The following RAP1GDS1 variants were observed in gnomAD, a reference collection of about 807,000 sequenced individuals.
RAP1GDS1 encodes RAP1, GTP-GDP dissociation stimulator 1.
A neutral mutation model predicts 71.1 loss-of-function variants in RAP1GDS1; 35 were observed. The ratio of observed to expected loss-of-function variants is 0.49; its 90% CI spans 0.38 to 0.65. The LOEUF is 0.65. Among genes scored for constraint, RAP1GDS1 ranks in the 30% least tolerant of loss-of-function variants. The pLI is 0.00. For synonymous variants in RAP1GDS1, 229 were observed against 243.1 expected (o/e 0.94, Z 0.54); for missense variants, 663 against 706.1 (o/e 0.94, Z 0.69).
At position 98,392,681 on chromosome 4, in the gene RAP1GDS1, G is replaced by A. The variant is rs188591967; in HGVS notation, c.637+601G>A. Reference sequence around the variant, plus strand: ...ATGCCACTGCACTCCAGCCTGGGTGGCAGAGCCAGACCCTGTCTCAAGAAA... The same window carrying A: ...ATGCCACTGCACTCCAGCCTGGGTGACAGAGCCAGACCCTGTCTCAAGAAA... On this transcript the variant is annotated intron_variant, in intron 6 of 14. Coordinates refer to ENST00000408927, the MANE Select transcript of RAP1GDS1 (RefSeq NM_001100427.2). Among the ~76,000 whole-genome samples the A allele has an allele frequency of 5.0e-3, 756 of 152,046 alleles. 7 individuals are homozygous for A. Among genetic ancestry groups the A allele is most frequent in the South Asian group, 0.018 (87 of 4,820 alleles).
At chr4:98,416,285 T>C (rs951477394) in intron 7 of RAP1GDS1, among the ~76,000 whole-genome samples, 2 of 151,490 alleles carry the variant, frequency 1.3e-5, no homozygotes, top group Non-Finnish European at 2.9e-5. Flanking sequence ...TAGTTTACTT[T>C]GAAGATTTGA....
intron 1 of RAP1GDS1, among the ~76,000 whole-genome samples, chr4:98,291,966 GC>G (rs1727010873): frequency 6.6e-6 from 1 of 152,080 alleles, no homozygotes; most frequent in African/African-American, 2.4e-5. Context: ...ATCTGAAAAG[GC>G]TGTTAAAATA....
chr4:98,271,634 A>G (rs1369451820), intron 1 of RAP1GDS1, among the ~76,000 whole-genome samples: 1 of 151,962 alleles, frequency 6.6e-6, no homozygotes, highest in Non-Finnish European at 1.5e-5. Context: ...ATGTATATAT[A>G]ATTATGTTTT....
At position 98,442,088 on chromosome 4, in the gene RAP1GDS1, ACAGAG is replaced by A; in HGVS notation, c.1801_1805del (p.Gln601ThrfsTer18). ...AAGTGTTGCCCAGCAGGCCTCTCTC[ACAGAG>A]CAGAGACTTACTGTGGAAAGCTGAG... is the stretch of plus-strand genomic sequence containing the variant. On this transcript the variant is annotated frameshift_variant, in exon 15 of 15. Coordinates refer to ENST00000408927, the MANE Select transcript of RAP1GDS1 (RefSeq NM_001100427.2). LOFTEE classifies it high-confidence loss of function. 1 of 1,613,846 alleles carries A rather than the reference ACAGAG, an allele frequency of 6.2e-7. No individual in the cohort carries two copies. The highest frequency in any genetic ancestry group is 8.5e-7 in the Non-Finnish European group (1 of 1,179,986).
chr4:98,389,623 A>C (rs1285635788), intron 5 of RAP1GDS1, among the ~76,000 whole-genome samples: 4 of 152,180 alleles, frequency 2.6e-5, no homozygotes. Context: ...ACAATGTGCC[A>C]TTTGGCTATG....
At chr4:98,416,721 T>G (rs1313824672) in intron 7 of RAP1GDS1, 24 bp from the exon 8 acceptor site, 2 of 1,566,320 alleles carry the variant, frequency 1.3e-6, no homozygotes, top group Non-Finnish European at 8.8e-7. Context: ...AAAGTTTGAT[T>G]ATTTTGTTCA....
intron 5 of RAP1GDS1, among the ~76,000 whole-genome samples, chr4:98,385,681 A>G (rs1013143729): frequency 6.6e-6 from 1 of 151,904 alleles, no homozygotes; most frequent in Admixed American, 6.6e-5. Flanking sequence ...GAAAAACTAG[A>G]AAGTGAAATG....
intron 2 of RAP1GDS1, among the ~76,000 whole-genome samples, chr4:98,321,777 C>T (rs1446280414): frequency 1.5e-5 from 2 of 130,370 alleles, no homozygotes; most frequent in Non-Finnish European, 3.2e-5. Context: ...AAGCGCTAAA[C>T]ATGGAAAGGA....
chr4:98,271,594 T>C (rs1204874289), intron 1 of RAP1GDS1, among the ~76,000 whole-genome samples: 3 of 152,158 alleles, frequency 2.0e-5, no homozygotes, highest in Non-Finnish European at 4.4e-5. Context: ...GTTTTGAGTG[T>C]TAATTCTTCT....
At chr4:98,321,329 CA>C (rs1236036647) in intron 2 of RAP1GDS1, among the ~76,000 whole-genome samples, 2 of 148,908 alleles carry the variant, frequency 1.3e-5, no homozygotes, top group Non-Finnish European at 3.0e-5. Context: ...AGAATGGAAC[CA>C]AGTTGGAAAA....
At position 98,334,288 on chromosome 4, in the gene RAP1GDS1, T is replaced by C. The variant is rs1425507312; in HGVS notation, c.113-8851T>C. ...ACAAAAATTTTGGGGTAAAACTGTTTCTATAGCAGTTTAAAAAAACAAAAA... is the reference window on the plus strand; with the variant it reads ...ACAAAAATTTTGGGGTAAAACTGTTCCTATAGCAGTTTAAAAAAACAAAAA... On this transcript the variant is annotated intron_variant, in intron 2 of 14. Transcript: ENST00000408927. 1.2e-4 allele frequency among the ~76,000 whole-genome samples: 18 copies of C among 151,878 alleles called. 1 individual carries two copies. The Admixed American group carries it at 1.2e-3, about 10-fold the overall frequency.
intron 1 of RAP1GDS1, among the ~76,000 whole-genome samples, chr4:98,288,445 G>A (rs1388884582): frequency 6.6e-6 from 1 of 152,092 alleles, no homozygotes; most frequent in Non-Finnish European, 1.5e-5. Context: ...TGGACATTTG[G>A]GTTGGTTCCA....
chr4:98,340,328 A>G (rs537940216), intron 2 of RAP1GDS1, among the ~76,000 whole-genome samples: 2 of 152,328 alleles, frequency 1.3e-5, no homozygotes, highest in South Asian at 4.1e-4. Flanking sequence ...GGAATACTAC[A>G]TAGTCATAAA....
rs1031040135 is a variant in RAP1GDS1, at chr4:98,285,569, C to T, written c.5-7839C>T. On this transcript the variant is annotated intron_variant, in intron 1 of 14. Coordinates refer to ENST00000408927, the MANE Select transcript of RAP1GDS1 (RefSeq NM_001100427.2). ...GATCTCTCCAACTGAAAATTGTTAT[C>T]CCTGATACTAATTTTAATGTTAATG... Among the ~76,000 whole-genome samples, 6 of 152,012 alleles carry T rather than the reference C, an allele frequency of 3.9e-5. 1 individual carries two copies. The South Asian group carries it at 8.3e-4, about 21-fold the overall frequency.
At chr4:98,413,063 C>G (rs1159919743) in intron 7 of RAP1GDS1, among the ~76,000 whole-genome samples, 2 of 152,064 alleles carry the variant, frequency 1.3e-5, no homozygotes, top group Non-Finnish European at 2.9e-5. Flanking sequence ...TCAAACTTAC[C>G]AGGGCGGGAT....
chr4:98,341,519 C>T (rs1041768325), intron 2 of RAP1GDS1, among the ~76,000 whole-genome samples: 9 of 152,212 alleles, frequency 5.9e-5, no homozygotes, highest in African/African-American at 7.2e-5. Context: ...ACAAATGCTT[C>T]GGCTTCATAT....
At chr4:98,293,884 GGAGA>G (rs1727329304) in intron 2 of RAP1GDS1, among the ~76,000 whole-genome samples, 1 of 151,966 alleles carries the variant, frequency 6.6e-6, no homozygotes, top group African/African-American at 2.4e-5. Context: ...GAGTGGGGAG[GGAGA>G]GAGAGGAGAA....
At chr4:98,353,726 T>C (rs1348778616) in intron 4 of RAP1GDS1, among the ~76,000 whole-genome samples, 2 of 152,188 alleles carry the variant, frequency 1.3e-5, no homozygotes, top group Non-Finnish European at 2.9e-5. Flanking sequence ...GTCCCCAGTA[T>C]AGCCTGTAAA....
chr4:98,267,948 A>C (rs1376107909), intron 1 of RAP1GDS1, among the ~76,000 whole-genome samples: 2 of 152,188 alleles, frequency 1.3e-5, no homozygotes, highest in South Asian at 2.1e-4. Context: ...GTCTGAACTA[A>C]TTTATATTTC....
Sources: gnomAD v4.1 joint callset for allele counts (sites outside exome capture counted in the v4.1 genomes callset) on GRCh38, gnomAD v4.1.1 for gene constraint, MANE v1.5 for transcripts, NCBI Gene and HGNC (gene_info 2026-07-23, HGNC 2026-07-21) for gene names.